JPH1: variants seen among roughly 807,000 people sequenced by gnomAD.
The protein encoded by JPH1 is junctophilin 1.
Under a neutral mutation model 53.6 loss-of-function variants are expected in JPH1, and 12 were observed. That is an observed-to-expected ratio of 0.22 (90% CI 0.14 to 0.36). The LOEUF (loss-of-function observed/expected upper bound fraction) is 0.36, where lower values mean the gene tolerates loss of function less well. JPH1 is among the 10% of genes least tolerant of loss of function. JPH1 has a pLI of 1.00. For missense variants in JPH1, 808 were observed against 905.5 expected (o/e 0.89, Z 1.38); for synonymous variants, 375 against 363.8 (o/e 1.03, Z -0.35).
chr8:74,249,022 G>A (rs758112295), intron 3 of JPH1, among the ~76,000 whole-genome samples: 2 of 152,136 alleles, frequency 1.3e-5, no homozygotes, highest in Admixed American at 6.5e-5. Flanking sequence ...CAGGTCACCC[G>A]CTCACGGACA....
At chr8:74,286,468 C>T (rs1356200099) in intron 2 of JPH1, among the ~76,000 whole-genome samples, 4 of 152,164 alleles carry the variant, frequency 2.6e-5, no homozygotes, top group Non-Finnish European at 4.4e-5. Flanking sequence ...GTATACACTA[C>T]ATTGTTGTTT....
At chr8:74,263,238 C>T (rs28756764) in intron 2 of JPH1, among the ~76,000 whole-genome samples, 3,171 of 152,136 alleles carry the variant, frequency 0.021, 103 homozygotes, top group African/African-American at 0.066. Context: ...AAAGGTGAAG[C>T]GCTATTTCTA....
chr8:74,237,158 A>G (rs892765082), intron 5 of JPH1, 50 bp downstream of exon 5: 46 of 1,247,378 alleles, frequency 3.7e-5, no homozygotes, highest in Non-Finnish European at 4.8e-5. Context: ...GCATATGAGA[A>G]AAGAATGTTA....
chr8:74,299,680 C>T (rs1807621326), intron 2 of JPH1, among the ~76,000 whole-genome samples: 2 of 152,152 alleles, frequency 1.3e-5, no homozygotes, highest in South Asian at 2.1e-4. Context: ...TTCTTTTAAC[C>T]ACAGCCACAT....
At chr8:74,308,736 C>T (rs763303427) in intron 2 of JPH1, among the ~76,000 whole-genome samples, 35 of 152,080 alleles carry the variant, frequency 2.3e-4, no homozygotes, top group South Asian at 6.2e-4. Context: ...CTAAGAGAAG[C>T]GGGGTTGAGG....
At position 74,244,679 on chromosome 8, in the gene JPH1, G is replaced by C. The variant is rs148794122; in HGVS notation, c.1755C>G (p.Ser585=). The C allele has an allele frequency of 1.4e-5, 22 of 1,613,994 alleles. No homozygotes were observed. Among genetic ancestry groups the C allele is most frequent in the Non-Finnish European group, 1.7e-5 (20 of 1,180,036 alleles). Residue 585 remains serine, a synonymous_variant, in exon 4 of 6, where the codon TCC becomes TCG. Coordinates refer to ENST00000342232, the MANE Select transcript of JPH1 (RefSeq NM_020647.4). Reference sequence around the variant, plus strand: ...ATTTGGAGGGACTCCACTTGTTAGCGGATGGCTTGTGCACCAGTGCTGAGG... The same window carrying C: ...ATTTGGAGGGACTCCACTTGTTAGCCGATGGCTTGTGCACCAGTGCTGAGG... ...QSSSALVHKP[S]ANKWSPSKSV...
intron 2 of JPH1, among the ~76,000 whole-genome samples, chr8:74,285,925 TGAG>T (rs1164532227): frequency 2.0e-5 from 3 of 152,194 alleles, no homozygotes; most frequent in Non-Finnish European, 2.9e-5. Context: ...TCAGCTGGAG[TGAG>T]GAGGAGATTT....
chr8:74,278,439 T>A (rs1006857021), intron 2 of JPH1, among the ~76,000 whole-genome samples: 16 of 152,200 alleles, frequency 1.1e-4, no homozygotes, highest in Admixed American at 3.3e-4. Flanking sequence ...TCACCCTTAG[T>A]GATCCACTAG....
intron 2 of JPH1, among the ~76,000 whole-genome samples, chr8:74,266,489 A>T (rs1806536033): frequency 6.6e-6 from 1 of 152,240 alleles, no homozygotes; most frequent in South Asian, 2.1e-4. Flanking sequence ...TACCTAGAGT[A>T]GTCAAATTCA....
chr8:74,249,921 A>G (rs1039477698), intron 3 of JPH1, among the ~76,000 whole-genome samples: 1 of 152,200 alleles, frequency 6.6e-6, no homozygotes, highest in African/African-American at 2.4e-5. Context: ...ATGCTTAAAC[A>G]TGTGAAGACA....
intron 4 of JPH1, among the ~76,000 whole-genome samples, chr8:74,237,633 G>C (rs1300239351): frequency 6.6e-6 from 1 of 152,218 alleles, no homozygotes; most frequent in African/African-American, 2.4e-5. Context: ...ACGGCTGGGA[G>C]TTAGACGTGC....
chr8:74,262,078 C>T (rs186570173), intron 2 of JPH1, among the ~76,000 whole-genome samples: 2 of 152,144 alleles, frequency 1.3e-5, no homozygotes, highest in Admixed American at 1.3e-4. Context: ...CAAAGGAGGA[C>T]CTTTCTATCC....
At chr8:74,253,884 A>T (rs1193897990) in intron 3 of JPH1, among the ~76,000 whole-genome samples, 1 of 152,140 alleles carries the variant, frequency 6.6e-6, no homozygotes, top group African/African-American at 2.4e-5. Context: ...CAGGAGCTGA[A>T]ATTGAGGCAA....
intron 2 of JPH1, among the ~76,000 whole-genome samples, chr8:74,296,827 C>T (rs1807535369): frequency 6.6e-6 from 1 of 152,092 alleles, no homozygotes; most frequent in South Asian, 2.1e-4. Flanking sequence ...ATTATTAAAT[C>T]AAGCTAATAA....
chr8:74,273,087 T>C (rs1043558572), intron 2 of JPH1, among the ~76,000 whole-genome samples: 4 of 152,206 alleles, frequency 2.6e-5, no homozygotes, highest in African/African-American at 9.7e-5. Context: ...TAGATTATTT[T>C]TAAAATCTTC....
At chr8:74,246,006 G>A (rs1286344973) in intron 3 of JPH1, among the ~76,000 whole-genome samples, 1 of 151,966 alleles carries the variant, frequency 6.6e-6, no homozygotes, top group Non-Finnish European at 1.5e-5. Context: ...AAATGTCCAG[G>A]CCCTGGGAAC....
In JPH1 at chr8:74,295,315, C is replaced by T. The variant is rs547172628; in HGVS notation, c.1139+19546G>A. ...TATATGTGTGTGTGTGTATATAGTT[C>T]TATATGTGTGTACATATAGTTCTTT... On this transcript the variant is annotated intron_variant, in intron 2 of 5. Transcript: ENST00000342232. Among the ~76,000 whole-genome samples, 4 of 152,182 alleles carry T rather than the reference C, an allele frequency of 2.6e-5. No homozygotes were observed. In the East Asian group the frequency reaches 7.7e-4, roughly 29 times the overall value.
intron 3 of JPH1, among the ~76,000 whole-genome samples, chr8:74,251,231 C>A (rs1421879910): frequency 1.3e-5 from 2 of 152,172 alleles, no homozygotes; most frequent in African/African-American, 4.8e-5. Context: ...ATGAACACTG[C>A]CAATTTTTGC....
chr8:74,250,191 T>A (rs1255077247), intron 3 of JPH1, among the ~76,000 whole-genome samples: 1 of 151,474 alleles, frequency 6.6e-6, no homozygotes. Flanking sequence ...CTGGAGTAAG[T>A]GGCACCATCC....
Sources: gnomAD v4.1 joint callset for allele counts (sites outside exome capture counted in the v4.1 genomes callset) on GRCh38, gnomAD v4.1.1 for gene constraint, MANE v1.5 for transcripts, NCBI Gene and HGNC (gene_info 2026-07-23, HGNC 2026-07-21) for gene names.